Variants in RHOF observed in about 807,000 individuals in gnomAD.
RHOF encodes rho-related GTP-binding protein RhoF.
RHOF carries 21 observed loss-of-function variants against 22.2 expected under a neutral mutation model. The ratio of observed to expected loss-of-function variants is 0.95; its 90% confidence interval spans 0.67 to 1.36. RHOF has a LOEUF of 1.36. RHOF is among the 40% of genes most tolerant of loss of function. RHOF has a pLI of 0.00. For missense variants in RHOF, 285 were observed against 293.7 expected, an observed-to-expected ratio of 0.97 and a Z score of 0.22; for synonymous variants, 135 against 131.2, an observed-to-expected ratio of 1.03 and a Z score of -0.20.
At chr12:121,784,855 C>T (rs12832268) in intron 2 of RHOF, among the ~76,000 whole-genome samples, 5 of 152,000 alleles carry the variant, frequency 3.3e-5, no homozygotes, top group East Asian at 3.8e-4. Flanking sequence ...CAAATATGGC[C>T]GGAGTGAACA....
At chr12:121,790,869 A>AT (rs140869809) in intron 2 of RHOF, among the ~76,000 whole-genome samples, 1 of 151,836 alleles carries the variant, frequency 6.6e-6, no homozygotes, top group East Asian at 1.9e-4. Context: ...GATCTTTTTA[A>AT]TTTTTTTTAA....
chr12:121,788,652 G>A (rs1229437841), intron 2 of RHOF, among the ~76,000 whole-genome samples: 2 of 151,936 alleles, frequency 1.3e-5, no homozygotes, highest in African/African-American at 2.4e-5. Flanking sequence ...TCCACATCTC[G>A]AATTGACGCC....
chr12:121,788,611 C>G (rs528312980), intron 2 of RHOF, among the ~76,000 whole-genome samples: 20 of 152,298 alleles, frequency 1.3e-4, no homozygotes, highest in African/African-American at 4.6e-4. Flanking sequence ...TTCACTCATG[C>G]ACATTCTGGG....
At chr12:121,789,391 C>T (rs921551325) in intron 2 of RHOF, among the ~76,000 whole-genome samples, 1 of 152,104 alleles carries the variant, frequency 6.6e-6, no homozygotes, top group African/African-American at 2.4e-5. Context: ...AGGCTCATGC[C>T]GCACACAGGG....
At chr12:121,790,442 TCTC>T (rs1244953469) in intron 2 of RHOF, among the ~76,000 whole-genome samples, 11 of 152,234 alleles carry the variant, frequency 7.2e-5, no homozygotes, top group African/African-American at 2.2e-4. Flanking sequence ...TCTGTCCTGT[TCTC>T]CTGAGAGCCG....
intron 2 of RHOF, among the ~76,000 whole-genome samples, chr12:121,789,413 G>T (rs1874704897): frequency 6.6e-6 from 1 of 152,192 alleles, no homozygotes; most frequent in Non-Finnish European, 1.5e-5. Context: ...TATTTTCTTG[G>T]TGGGATGAGG....
In RHOF at chr12:121,781,160, A is replaced by T. The variant is rs573735007; in HGVS notation, c.259T>A (p.Ser87Thr). ...AGCACGAGGTGGGTGTTCTGGTAGG[A>T]CAGGGGCCGCAGCCGGTCATAGTCT... The part of the protein sequence containing the change: ...QEDYDRLRPL[S>T]YQNTHLVLIC... The change falls in exon 3 of 5, where the codon TCC becomes ACC. Residue 87 changes from serine (S) to threonine (T), a missense_variant. Physicochemically the swap from Ser to Thr is moderately conservative, Grantham distance 58 (BLOSUM62 1). Coordinates refer to ENST00000267205, the MANE Select transcript of RHOF (RefSeq NM_019034.3). 1 of 1,614,190 alleles carries T rather than the reference A, an allele frequency of 6.2e-7. No homozygotes were observed. Among genetic ancestry groups the T allele is most frequent in the Non-Finnish European group, 8.5e-7 (1 of 1,180,034 alleles).
At chr12:121,783,532 G>GA (rs1874530139) in intron 2 of RHOF, among the ~76,000 whole-genome samples, 1 of 152,088 alleles carries the variant, frequency 6.6e-6, no homozygotes, top group South Asian at 2.1e-4. Context: ...GCCCAGGCTG[G>GA]AGTGCAATGG....
At position 121,779,537 on chromosome 12, in the gene RHOF, C is replaced by T. The variant is rs191815838; in HGVS notation, c.597G>A (p.Ala199=). ...AKVALSALKK[A]QRQKKRRLCL... ...AGAGCCGGCGCTTCTTCTGCCGTTG[C>T]GCCTTCTTCAGAGCGCTGAGAGCCA... is the stretch of plus-strand genomic sequence containing the variant. The change falls in exon 5 of 5, where the codon GCG becomes GCA. Residue 199 remains alanine, a synonymous_variant. Transcript: ENST00000267205. 5.0e-6 allele frequency: 8 copies of T among 1,612,904 alleles called. No homozygotes were observed. Among genetic ancestry groups the T allele is most frequent in the Non-Finnish European group, 6.8e-6 (8 of 1,179,412 alleles).
intron 2 of RHOF, among the ~76,000 whole-genome samples, chr12:121,785,961 C>A (rs563858609): frequency 2.6e-5 from 4 of 151,684 alleles, no homozygotes; most frequent in Admixed American, 2.6e-4. Flanking sequence ...ATCGCCCAGG[C>A]TGGAATGCAG....
chr12:121,781,982 T>C (rs1874479243), intron 2 of RHOF: 1 of 152,218 alleles, frequency 6.6e-6, no homozygotes, highest in Non-Finnish European at 1.5e-5. Context: ...GGTTTGCTTT[T>C]TTCTTCTTCT....
At position 121,793,529 on chromosome 12, in the gene RHOF, C is replaced by G; in HGVS notation, c.105G>C (p.Leu35=). The G allele has an allele frequency of 1.3e-6, 2 of 1,544,380 alleles. No homozygotes were observed. The highest frequency in any genetic ancestry group is 1.7e-6 in the Non-Finnish European group (2 of 1,147,244). The part of the protein sequence containing the change: ...VGDGGCGKTS[L]LMVYSQGSFP... ...AGGAGCCCTGGCTGTACACCATGAG[C>G]AGCGAGGTCTTGCCGCAGCCGCCGT... is the stretch of plus-strand genomic sequence containing the variant. The change falls in exon 1 of 5, where the codon CTG becomes CTC. Residue 35 remains leucine (L), a synonymous_variant. Coordinates refer to ENST00000267205, the MANE Select transcript of RHOF (RefSeq NM_019034.3).
intron 3 of RHOF, 28 bp from the exon 4 acceptor site, chr12:121,781,034 G>A: frequency 1.2e-6 from 2 of 1,613,538 alleles, no homozygotes; most frequent in Non-Finnish European, 1.7e-6. Flanking sequence ...GGGATCAGGG[G>A]TGCGGCCGGG....
intron 2 of RHOF, among the ~76,000 whole-genome samples, chr12:121,789,172 A>G (rs1874695209): frequency 6.6e-6 from 1 of 152,118 alleles, no homozygotes; most frequent in Non-Finnish European, 1.5e-5. Flanking sequence ...TGTGGCTGCA[A>G]TGAGTTATGA....
intron 4 of RHOF, 110 bp from the exon 5 acceptor site, chr12:121,779,772 G>T: frequency 1.7e-6 from 2 of 1,164,890 alleles, no homozygotes; most frequent in Non-Finnish European, 2.4e-6. Flanking sequence ...GGAGGCCTTG[G>T]TTTGGGCCTG....
At chr12:121,787,391 G>C (rs962355895) in intron 2 of RHOF, among the ~76,000 whole-genome samples, 2 of 152,220 alleles carry the variant, frequency 1.3e-5, no homozygotes, top group African/African-American at 4.8e-5. Context: ...CAAGCACCCT[G>C]TGAGCCAGAG....
Position 121,779,486 on chromosome 12 carries a change from G to T in RHOF, c.*12C>A. The T allele has an allele frequency of 6.2e-7, 1 of 1,610,090 alleles. No individual in the cohort carries two copies. Among genetic ancestry groups the T allele is most frequent in the Non-Finnish European group, 8.5e-7 (1 of 1,179,876 alleles). ...CCCTGTCAGTGCTGTCGTGAGGTCTGTCTGCCCTGGGTCAGAGCAGCAGGC... is the reference window on the plus strand; with the variant it reads ...CCCTGTCAGTGCTGTCGTGAGGTCTTTCTGCCCTGGGTCAGAGCAGCAGGC... On this transcript the variant is annotated 3_prime_UTR_variant, in exon 5 of 5. Transcript: ENST00000267205.
At position 121,787,925 on chromosome 12, in the gene RHOF, G is replaced by A. The variant is rs1874654788; in HGVS notation, c.226+5227C>T. Among the ~76,000 whole-genome samples the A allele has an allele frequency of 5.4e-5, 5 of 92,786 alleles. No individual in the cohort carries two copies. The South Asian group carries it at 1.5e-3, about 28-fold the overall frequency. The allele number at this position is 92,786 out of a possible 152,430, so 60.9% of individuals were successfully genotyped here. A position where few individuals can be genotyped will look rare whatever the true frequency, so the allele number is the denominator to read the frequency against. The stretch of plus-strand genomic sequence containing the variant: ...AAAAAAAAAAGGGGGGGGGGGCGGG[G>A]TTTGCTCTGTTGCTCAGGCTGGAGT... On this transcript the variant is annotated intron_variant, in intron 2 of 4. Transcript: ENST00000267205.
chr12:121,788,655 T>C (rs532303016), intron 2 of RHOF, among the ~76,000 whole-genome samples: 3 of 152,318 alleles, frequency 2.0e-5, no homozygotes, highest in African/African-American at 7.2e-5. Flanking sequence ...ACATCTCGAA[T>C]TGACGCCCAC....
Sources: allele counts gnomAD v4.1 joint callset (sites outside exome capture counted in the v4.1 genomes callset), GRCh38; gene constraint gnomAD v4.1.1; transcripts MANE v1.5; gene names NCBI Gene and HGNC (gene_info 2026-07-23, HGNC 2026-07-21).